The following SBF2 variants were observed in gnomAD, a reference collection of about 807,000 sequenced individuals.
SBF2 encodes SET binding factor 2.
SBF2 carries 112 observed loss-of-function variants against 225.2 expected under a neutral mutation model. The ratio of observed to expected loss-of-function variants is 0.50; its 90% CI spans 0.43 to 0.58. SBF2 has a LOEUF of 0.58. SBF2 is among the 20% of genes least tolerant of loss of function. SBF2 has a pLI of 0.00. For synonymous variants in SBF2, 763 were observed against 773.3 expected (o/e 0.99, Z 0.22); for missense variants, 1,996 against 2,206.2 (o/e 0.90, Z 1.91).
intron 6 of SBF2, chr11:10,017,093 C>T (rs1002685901): frequency 1.3e-5 from 2 of 152,166 alleles, no homozygotes; most frequent in Admixed American, 6.5e-5. Context: ...AAGAGTAAAA[C>T]ATTCTGAAAG....
chr11:10,081,770 A>T (rs1207325293), intron 2 of SBF2, among the ~76,000 whole-genome samples: 1 of 151,624 alleles, frequency 6.6e-6, no homozygotes, highest in East Asian at 1.9e-4. Context: ...AAAAAAAAAA[A>T]AAAAGAAAAA....
intron 16 of SBF2, among the ~76,000 whole-genome samples, chr11:9,896,811 G>T (rs1261506492): frequency 6.6e-6 from 1 of 151,540 alleles, no homozygotes; most frequent in African/African-American, 2.4e-5. Flanking sequence ...AGGGGGGTGG[G>T]GCGGGGAGGA....
At chr11:10,130,086 G>T (rs936154106) in intron 2 of SBF2, among the ~76,000 whole-genome samples, 10 of 152,106 alleles carry the variant, frequency 6.6e-5, no homozygotes, top group Non-Finnish European at 1.5e-4. Context: ...CACCTCGCCA[G>T]GCGCAGTGGC....
At chr11:10,210,381 A>G (rs1377718518) in intron 1 of SBF2, among the ~76,000 whole-genome samples, 1 of 151,206 alleles carries the variant, frequency 6.6e-6, no homozygotes, top group African/African-American at 2.4e-5. Flanking sequence ...GAGGAGGAGG[A>G]GGAAGAGAAG....
At chr11:10,196,862 A>ATTTTTTT (rs1208099879) in intron 1 of SBF2, among the ~76,000 whole-genome samples, 1 of 22,028 alleles carries the variant, frequency 4.5e-5, no homozygotes, top group Non-Finnish European at 1.5e-4. Flanking sequence ...ATATATATAT[A>ATTTTTTT]TATATTTTTT....
At chr11:10,232,561 A>ATT (rs5789629) in intron 1 of SBF2, among the ~76,000 whole-genome samples, 5 of 141,336 alleles carry the variant, frequency 3.5e-5, no homozygotes, top group East Asian at 2.0e-4. Flanking sequence ...TTTTGTCTTA[A>ATT]TTTTTTTTTT....
chr11:10,071,032 G>A (rs777089695), intron 2 of SBF2, among the ~76,000 whole-genome samples: 1 of 152,140 alleles, frequency 6.6e-6, no homozygotes, highest in Admixed American at 6.5e-5. Flanking sequence ...CACTGCTGAA[G>A]CTGCCTATCA....
rs1564893533 is a variant in SBF2, at chr11:9,832,430, CATAGA to C, written c.3456-15_3456-11del. 6.2e-7 allele frequency: 1 copy of C among 1,602,298 alleles called. No individual in the cohort carries two copies. Among genetic ancestry groups the C allele is most frequent in the Admixed American group, 1.7e-5 (1 of 59,894 alleles). Reference sequence around the variant, plus strand: ...TAAAAGGCCAGGATAGCTTCAGAGACATAGAATAGAGAAGAGAATGATTGGGGGAA... The same window carrying C: ...TAAAAGGCCAGGATAGCTTCAGAGACATAGAGAAGAGAATGATTGGGGGAA... On this transcript the variant is annotated splice_polypyrimidine_tract_variant and intron_variant, in intron 26 of 39. Transcript: ENST00000256190.
At chr11:10,126,053 A>T (rs765298818) in intron 2 of SBF2, among the ~76,000 whole-genome samples, 11 of 152,134 alleles carry the variant, frequency 7.2e-5, no homozygotes, top group Non-Finnish European at 1.3e-4. Context: ...CTTAGTTTTT[A>T]ACAGTCCTTT....
chr11:9,801,110 T>C (rs1853467519), intron 32 of SBF2, among the ~76,000 whole-genome samples: 2 of 152,224 alleles, frequency 1.3e-5, no homozygotes, highest in Admixed American at 1.3e-4. Flanking sequence ...AGCTAATAAA[T>C]TAATTCTATG....
intron 1 of SBF2, among the ~76,000 whole-genome samples, chr11:10,262,554 T>C (rs950410077): frequency 1.3e-5 from 2 of 152,166 alleles, no homozygotes; most frequent in African/African-American, 4.8e-5. Context: ...ATAAGCCTCT[T>C]AGGGGCTGCT....
chr11:10,095,462 A>T (rs1424290533), intron 2 of SBF2, among the ~76,000 whole-genome samples: 1 of 152,152 alleles, frequency 6.6e-6, no homozygotes, highest in Non-Finnish European at 1.5e-5. Context: ...TTAAACCCAC[A>T]ATTTAGTACT....
At chr11:9,838,929 T>C (rs1855907282) in intron 26 of SBF2, 1 of 160,384 alleles carries the variant, frequency 6.2e-6, no homozygotes, top group African/African-American at 2.4e-5. Context: ...ATCCTTTAAG[T>C]AATATTCCCT....
At chr11:9,926,495 A>G (rs938674978) in intron 16 of SBF2, among the ~76,000 whole-genome samples, 4 of 152,170 alleles carry the variant, frequency 2.6e-5, no homozygotes, top group Non-Finnish European at 5.9e-5. Context: ...AGCTGCCAAT[A>G]TAGACCATAT....
chr11:10,007,972 A>C (rs1472163245), intron 6 of SBF2, among the ~76,000 whole-genome samples: 1 of 152,194 alleles, frequency 6.6e-6, no homozygotes, highest in Non-Finnish European at 1.5e-5. Context: ...ACTTGGAGGG[A>C]TTTCTCAGTC....
intron 2 of SBF2, among the ~76,000 whole-genome samples, chr11:10,103,523 C>T (rs1952407328): frequency 6.6e-6 from 1 of 152,128 alleles, no homozygotes. Context: ...ACAAAAGTAA[C>T]AAATTTCCTT....
chr11:10,070,519 T>C (rs373656047), intron 2 of SBF2, among the ~76,000 whole-genome samples: 1 of 152,204 alleles, frequency 6.6e-6, no homozygotes, highest in African/African-American at 2.4e-5. Context: ...TTGGTGTATA[T>C]ATGTGGTTTG....
chr11:10,194,079 G>T (rs1957279143), intron 1 of SBF2, 92 bp from the exon 2 acceptor site: 2 of 891,916 alleles, frequency 2.2e-6, no homozygotes, highest in Non-Finnish European at 3.7e-6. Context: ...TGAATATTTG[G>T]TAAATAAGTT....
chr11:10,177,916 G>A (rs999125876), intron 2 of SBF2, among the ~76,000 whole-genome samples: 8 of 149,688 alleles, frequency 5.3e-5, no homozygotes, highest in African/African-American at 1.7e-4. Context: ...CAAAGCTGGA[G>A]GCATCACACT....
Sources: gnomAD v4.1 joint callset for allele counts (sites outside exome capture counted in the v4.1 genomes callset) on GRCh38, gnomAD v4.1.1 for gene constraint, MANE v1.5 for transcripts, NCBI Gene and HGNC (gene_info 2026-07-23, HGNC 2026-07-21) for gene names.